The following TTN variants were observed in gnomAD, a reference collection of about 807,000 sequenced individuals.
TTN encodes the protein titin.
Under a neutral mutation model 3,223.0 loss-of-function variants are expected in TTN, and 1,525 were observed. The ratio of observed to expected loss-of-function variants is 0.47; its 90% confidence interval spans 0.45 to 0.49. TTN has a LOEUF of 0.49. TTN is among the 20% of genes least tolerant of loss of function. The pLI is 0.00. For missense variants in TTN, 40,786 were observed against 43,424.0 expected, an observed-to-expected ratio of 0.94 and a Z score of 5.40; for synonymous variants, 14,094 against 15,161.0, an observed-to-expected ratio of 0.93 and a Z score of 5.17.
In TTN at chr2:178,768,578, C is replaced by A; in HGVS notation, c.9163+95G>T. On this transcript the variant is annotated intron_variant, in intron 38 of 362. Coordinates refer to ENST00000589042, the MANE Select transcript of TTN (RefSeq NM_001267550.2). ...AATGATATCCCATCGTATGGCTATC[C>A]CACATTTTATTTATCCATTCATTAA... 5 of 1,565,018 alleles carry A rather than the reference C, an allele frequency of 3.2e-6. No homozygotes were observed. In the Admixed American group the frequency reaches 8.6e-5, roughly 27 times the overall value.
rs776508792 is a variant in TTN at position 178,773,311 on chromosome 2, C to T, written c.7653G>A (p.Val2551=). Residue 2551 remains valine, a synonymous_variant, in exon 33 of 363, where the codon GTG becomes GTA. Coordinates refer to ENST00000589042, the MANE Select transcript of TTN (RefSeq NM_001267550.2). Reference sequence around the variant, plus strand: ...CAGAGTGGGACAGCTCAACCTCAAACACCACATTTTGAGTTTCTGTACAGG... The same window carrying T: ...CAGAGTGGGACAGCTCAACCTCAAATACCACATTTTGAGTTTCTGTACAGG... The part of the protein sequence containing the change: ...DLTCTETQNV[V]FEVELSHSGI... The T allele has an allele frequency of 1.2e-6, 2 of 1,613,992 alleles. No homozygotes were observed. The highest frequency in any genetic ancestry group is 1.7e-6 in the Non-Finnish European group (2 of 1,179,982).
In TTN at chr2:178,688,740, A is replaced by AT. The variant is rs751285524; in HGVS notation, c.32133dup (p.Phe10712IlefsTer4). 6.2e-7 allele frequency: 1 copy of AT among 1,613,722 alleles called. No homozygotes were observed. Among genetic ancestry groups the AT allele is most frequent in the Non-Finnish European group, 8.5e-7 (1 of 1,179,682 alleles). On this transcript the variant is annotated frameshift_variant, in exon 126 of 363. Transcript: ENST00000589042. LOFTEE classifies it high-confidence loss of function. Reference sequence around the variant, plus strand: ...AAGGATAGTTTTTCTTCAGCAACAAATCTCTTTTCTTCTACAACAGTTTTC... The same window carrying AT: ...AAGGATAGTTTTTCTTCAGCAACAAATTCTCTTTTCTTCTACAACAGTTTTC...
rs56330345 is a variant in TTN at position 178,560,682 on chromosome 2, C to T, written c.85450G>A (p.Asp28484Asn). The stretch of plus-strand genomic sequence containing the variant: ...TCACGTTTTTCTACGATGTAATAGT[C>T]GATATCTGCACCACCATCTTCTTGG... The part of the protein sequence containing the change: ...RPQEDGGADI[D>N]YYIVEKRETS... Residue 28484 changes from aspartate to asparagine, a missense_variant, in exon 326 of 363, where the codon GAC becomes AAC. Transcript: ENST00000589042. 54 of 1,613,438 alleles carry T rather than the reference C, an allele frequency of 3.3e-5. 1 individual carries two copies. Among genetic ancestry groups the T allele is most frequent in the African/African-American group, 2.8e-4 (21 of 74,882 alleles).
chr2:178,547,922 A>T lies in TTN; in HGVS notation c.93704T>A (p.Ile31235Asn). ...ITCKAGSPFT[I>N]DVPISGRPAP... ...AGGACGACCACTGATTGGTACGTCA[A>T]TGGTAAATGGGCTTCCTGCTTTGCA... Residue 31235 changes from isoleucine to asparagine, a missense_variant, in exon 339 of 363, where the codon ATT (isoleucine) becomes AAT (asparagine). Ile to Asn is a moderately radical substitution (Grantham distance 149). Transcript: ENST00000589042. The T allele has an allele frequency of 6.2e-7, 1 of 1,613,830 alleles. No individual in the cohort carries two copies. The highest frequency in any genetic ancestry group is 8.5e-7 in the Non-Finnish European group (1 of 1,179,830).
Position 178,717,953 on chromosome 2 carries a change from A to C in TTN, c.25053T>G (p.Leu8351=). The C allele has an allele frequency of 2.5e-6, 4 of 1,611,636 alleles. No homozygotes were observed. Among genetic ancestry groups the C allele is most frequent in the Non-Finnish European group, 3.4e-6 (4 of 1,177,978 alleles). The change falls in exon 86 of 363, where the codon CTT becomes CTG. Residue 8351 remains leucine, a synonymous_variant. Coordinates refer to ENST00000589042, the MANE Select transcript of TTN (RefSeq NM_001267550.2). ...AAACAACACCATCACCTTTGATAAC[A>C]AGCACAGCTGAAGAAGCGACTGCCC... ...SVGAVASSAV[L]VIKARKLPPF...
In TTN at chr2:178,704,285, T is replaced by G; in HGVS notation, c.30085A>C (p.Lys10029Gln). The G allele has an allele frequency of 1.2e-6, 2 of 1,614,030 alleles. No individual in the cohort carries two copies. Among genetic ancestry groups the G allele is most frequent in the South Asian group, 2.2e-5 (2 of 91,086 alleles). Residue 10029 changes from lysine to glutamine, a missense_variant, in exon 106 of 363, where the codon AAA (lysine) becomes CAA (glutamine). Lys to Gln is a moderately conservative substitution (Grantham distance 53). Coordinates refer to ENST00000589042, the MANE Select transcript of TTN (RefSeq NM_001267550.2). ...SEWFRNGRIL[K>Q]PQGRHKTEVE... ...TCTGTTTTATGTCTACCTTGGGGTT[T>G]AAGGATTCTGCCATTTCTGAACCAT... is the stretch of plus-strand genomic sequence containing the variant.
Position 178,552,849 on chromosome 2 carries a change from T to A in TTN, c.90051A>T (p.Glu30017Asp), listed in dbSNP as rs558277631. The A allele has an allele frequency of 5.0e-6, 8 of 1,613,804 alleles. No individual in the cohort carries two copies. In the East Asian group the frequency reaches 1.8e-4, roughly 36 times the overall value. ...VLAENEIGIG[E>D]PCETTEPVKA... ...TCACTGGCTCTGTAGTTTCACAGGG[T>A]TCCCCAATTCCAATTTCATTTTCTG... The change falls in exon 335 of 363, where the codon GAA (glutamate) becomes GAT (aspartate). Residue 30017 changes from glutamate (E) to aspartate (D), a missense_variant. By Grantham distance (45) the Glu-to-Asp change is conservative. Coordinates refer to ENST00000589042, the MANE Select transcript of TTN (RefSeq NM_001267550.2).
intron 218 of TTN, among the ~76,000 whole-genome samples, chr2:178,643,540 G>T (rs1394505897): frequency 6.6e-6 from 1 of 151,820 alleles, no homozygotes; most frequent in Non-Finnish European, 1.5e-5. Context: ...AAGTGAGGAG[G>T]CATAATATAG....
Position 178,692,539 on chromosome 2 carries a change from G to A in TTN, c.31636C>T (p.Pro10546Ser). The A allele has an allele frequency of 6.3e-7, 1 of 1,579,694 alleles. No individual in the cohort carries two copies. Among genetic ancestry groups the A allele is most frequent in the Non-Finnish European group, 8.6e-7 (1 of 1,164,008 alleles). The stretch of plus-strand genomic sequence containing the variant: ...TCCACTTTTTTAGGGATAGGAACAG[G>A]GGCCACTTCTTCTGGAGCTGGTTTC... Reference protein sequence around the residue: ...PEKPAPEEVAPVPIPKKVEPP... With the variant: ...PEKPAPEEVASVPIPKKVEPP... The change falls in exon 120 of 363, where the codon CCT becomes TCT. Residue 10546 changes from proline (P) to serine (S), a missense_variant. Transcript: ENST00000589042.
At chr2:178,685,660 T>A in intron 127 of TTN, 62 bp from the exon 128 acceptor site, 1 of 1,513,330 alleles carries the variant, frequency 6.6e-7, no homozygotes, top group Admixed American at 1.9e-5. Flanking sequence ...ATTTTTAGCT[T>A]TAATTTATCA....
Position 178,675,103 on chromosome 2 carries a change from C to A in TTN, c.34548G>T (p.Val11516=). 1 of 1,559,942 alleles carries A rather than the reference C, an allele frequency of 6.4e-7. No individual in the cohort carries two copies. Among genetic ancestry groups the A allele is most frequent in the Non-Finnish European group, 8.6e-7 (1 of 1,158,624 alleles). Residue 11516 remains valine (V), a synonymous_variant, in exon 150 of 363, where the codon GTG becomes GTT. Coordinates refer to ENST00000589042, the MANE Select transcript of TTN (RefSeq NM_001267550.2). The stretch of plus-strand genomic sequence containing the variant: ...TTCGTTTTTCTTCCACCTTCTTAGG[C>A]ACCTCAGGAACTTGAGAGACATTGA... ...AVAPPAKVPE[V]PKKVEEKRII...
intron 83 of TTN, 51 bp from the exon 84 acceptor site, chr2:178,719,024 T>C: frequency 6.6e-7 from 1 of 1,525,622 alleles, no homozygotes; most frequent in Admixed American, 2.2e-5. Context: ...GAAATCCAAG[T>C]GAGAAGTGCT....
chr2:178,707,779 A>C lies in TTN; in HGVS notation c.28788T>G (p.Leu9596=). 1 of 1,612,340 alleles carries C rather than the reference A, an allele frequency of 6.2e-7. No individual in the cohort carries two copies. The stretch of plus-strand genomic sequence containing the variant: ...CTCCTTCACTCACTGTTACTGGAGT[A>C]AGGTGCTGATCAAATACAGGTGGCT... ...PKKPPVFDQH[L]TPVTVSEGEY... is the part of the protein sequence containing the mutation. Residue 9596 remains leucine, a synonymous_variant, in exon 100 of 363, where the codon CTT becomes CTG. Transcript: ENST00000589042.
At chr2:178,686,108 T>G (rs1348274733) in intron 127 of TTN, among the ~76,000 whole-genome samples, 1 of 128,420 alleles carries the variant, frequency 7.8e-6, no homozygotes, top group Non-Finnish European at 1.6e-5. Flanking sequence ...GTGTATACAG[T>G]TTTAATTTTT....
In TTN at chr2:178,734,775, C is replaced by A; in HGVS notation, c.15149G>T (p.Gly5050Val). 6.2e-7 allele frequency: 1 copy of A among 1,613,640 alleles called. No individual in the cohort carries two copies. Among genetic ancestry groups the A allele is most frequent in the Non-Finnish European group, 8.5e-7 (1 of 1,179,680 alleles). ...ATTCACTGCTTCACATGAGTAACTCCCACTGTCTTCAACTTTTACATCCGT... is the reference window on the plus strand; with the variant it reads ...ATTCACTGCTTCACATGAGTAACTCACACTGTCTTCAACTTTTACATCCGT... ...DITDVKVEDS[G>V]SYSCEAVNDV... The change falls in exon 51 of 363, where the codon GGG becomes GTG. Residue 5050 changes from glycine to valine, a missense_variant. By Grantham distance (109) the Gly-to-Val change is moderately radical. Coordinates refer to ENST00000589042, the MANE Select transcript of TTN (RefSeq NM_001267550.2).
chr2:178,602,241 A>C, intron 283 of TTN, 41 bp downstream of exon 283: 1 of 1,594,676 alleles, frequency 6.3e-7, no homozygotes, highest in Non-Finnish European at 8.5e-7. Flanking sequence ...TTTCATAATA[A>C]GATCAAAAGA....
chr2:178,724,005 A>C lies in TTN; in HGVS notation c.21254T>G (p.Val7085Gly), dbSNP rs762099144. The C allele has an allele frequency of 1.2e-6, 2 of 1,613,570 alleles. No individual in the cohort carries two copies. Among genetic ancestry groups the C allele is most frequent in the South Asian group, 2.2e-5 (2 of 91,074 alleles). The change falls in exon 73 of 363, where the codon GTC (valine) becomes GGC (glycine). Residue 7085 changes from valine to glycine, a missense_variant. Coordinates refer to ENST00000589042, the MANE Select transcript of TTN (RefSeq NM_001267550.2). ...TGTGGTTTGGTACTTTGCTCCACTGACAATCTTGGTTTTCTCATGAAACCA... is the reference window on the plus strand; with the variant it reads ...TGTGGTTTGGTACTTTGCTCCACTGCCAATCTTGGTTTTCTCATGAAACCA... ...VAWFHEKTKI[V>G]SGAKYQTTFS...
At chr2:178,555,184 A>G (rs1700884122) in intron 330 of TTN, 32 bp from the exon 331 acceptor site, 10 of 1,582,504 alleles carry the variant, frequency 6.3e-6, no homozygotes, top group Non-Finnish European at 6.8e-6. Flanking sequence ...AATATTTAAA[A>G]TATTATAAGG....
In TTN at chr2:178,553,380, G is replaced by A. The variant is rs746569192; in HGVS notation, c.89520C>T (p.Asp29840=). ...AKDILEAPEI[D]LDVALRTSVI... is the part of the protein sequence containing the mutation. Reference sequence around the variant, plus strand: ...CAGAAGTTCTGAGAGCCACATCCAGGTCAATCTCTGGTGCCTCTGTAGACA... The same window carrying A: ...CAGAAGTTCTGAGAGCCACATCCAGATCAATCTCTGGTGCCTCTGTAGACA... Residue 29840 remains aspartate (D), a synonymous_variant, in exon 335 of 363, where the codon GAC becomes GAT. Transcript: ENST00000589042. 160 of 1,594,824 alleles carry A rather than the reference G, an allele frequency of 1.0e-4. No homozygotes were observed. Among genetic ancestry groups the A allele is most frequent in the Non-Finnish European group, 1.1e-4 (134 of 1,171,156 alleles).
Sources: gnomAD v4.1 joint callset for allele counts (sites outside exome capture counted in the v4.1 genomes callset) on GRCh38, gnomAD v4.1.1 for gene constraint, MANE v1.5 for transcripts, NCBI Gene and HGNC (gene_info 2026-07-23, HGNC 2026-07-21) for gene names.